Variants in RBMS3 observed in about 807,000 individuals in gnomAD.
RBMS3 encodes RNA-binding motif, single-stranded-interacting protein 3.
In RBMS3, 27 loss-of-function variants were observed where a neutral mutation model predicts 66.8. That is an observed-to-expected ratio of 0.40 (90% CI 0.30 to 0.56). The LOEUF (loss-of-function observed/expected upper bound fraction) is 0.56, where lower values mean the gene tolerates loss of function less well. RBMS3 is among the 20% of genes least tolerant of loss of function. The pLI is 0.40. For missense variants in RBMS3, 513 were observed against 549.5 expected (o/e 0.93, Z 0.66); for synonymous variants, 188 against 183.0 (o/e 1.03, Z -0.22).
At chr3:29,400,803 C>T (rs12491968) in intron 1 of RBMS3, among the ~76,000 whole-genome samples, 26,194 of 151,670 alleles carry the variant, frequency 0.17, 2,766 homozygotes, top group Non-Finnish European at 0.24. Context: ...ATGATTGGGG[C>T]GATGATGAGA....
intron 1 of RBMS3, among the ~76,000 whole-genome samples, chr3:29,421,271 T>C (rs942992496): frequency 3.9e-5 from 6 of 152,194 alleles, no homozygotes; most frequent in African/African-American, 1.4e-4. Context: ...TACTATCCCA[T>C]TCTTATGCTG....
At chr3:29,946,815 T>C (rs923064943) in intron 12 of RBMS3, among the ~76,000 whole-genome samples, 8 of 151,442 alleles carry the variant, frequency 5.3e-5, no homozygotes, top group Non-Finnish European at 1.2e-4. Context: ...GGGGTAGTAG[T>C]GGGGGTTCAT....
At position 29,797,805 on chromosome 3, in the gene RBMS3, G is replaced by A. The variant is rs186254373; in HGVS notation, c.637+34816G>A. 9.2e-5 allele frequency: 14 copies of A among 152,288 alleles called. No homozygotes were observed. In the East Asian group the frequency reaches 2.5e-3, roughly 27 times the overall value. 9.4% of individuals were successfully genotyped at this position (152,288 alleles called of 1,614,324 possible). A position where few individuals can be genotyped will look rare whatever the true frequency, so the allele number is the denominator to read the frequency against. Reference sequence around the variant, plus strand: ...GTGATATAGTAAATGCTAATACAATGTTTATGTAAATAGAGGGCATTTGGT... The same window carrying A: ...GTGATATAGTAAATGCTAATACAATATTTATGTAAATAGAGGGCATTTGGT... On this transcript the variant is annotated intron_variant, in intron 6 of 14. Coordinates refer to ENST00000383767, the MANE Select transcript of RBMS3 (RefSeq NM_001003793.3).
intron 3 of RBMS3, among the ~76,000 whole-genome samples, chr3:29,546,110 G>T (rs1370966637): frequency 7.8e-5 from 2 of 25,512 alleles, no homozygotes; most frequent in Non-Finnish European, 9.4e-5. Flanking sequence ...AGACGGGTTT[G>T]TGTGTGTGTG....
intron 3 of RBMS3, among the ~76,000 whole-genome samples, chr3:29,559,973 A>C (rs541495470): frequency 6.6e-6 from 1 of 152,314 alleles, no homozygotes; most frequent in Non-Finnish European, 1.5e-5. Flanking sequence ...ACATGGTCTT[A>C]TGTCAGCCAA....
At chr3:29,841,721 G>C (rs2058667830) in intron 6 of RBMS3, among the ~76,000 whole-genome samples, 1 of 151,974 alleles carries the variant, frequency 6.6e-6, no homozygotes, top group African/African-American at 2.4e-5. Context: ...GAGATCTTTT[G>C]AGACTATTCT....
At chr3:29,649,836 G>A (rs1397873397) in intron 4 of RBMS3, among the ~76,000 whole-genome samples, 6 of 152,120 alleles carry the variant, frequency 3.9e-5, no homozygotes, top group Non-Finnish European at 7.4e-5. Context: ...ATCCAATGTG[G>A]AGATACTCAG....
At chr3:29,768,910 C>T (rs898557397) in intron 6 of RBMS3, among the ~76,000 whole-genome samples, 5 of 151,814 alleles carry the variant, frequency 3.3e-5, no homozygotes, top group Non-Finnish European at 7.4e-5. Context: ...CTACCTTGTC[C>T]CTTGCTCTGA....
At chr3:29,640,011 T>C (rs1050333373) in intron 4 of RBMS3, among the ~76,000 whole-genome samples, 3 of 151,810 alleles carry the variant, frequency 2.0e-5, no homozygotes, top group Admixed American at 6.6e-5. Context: ...TCCCCTCCTA[T>C]GCCCTGACCA....
rs527710371 is a variant in RBMS3, at chr3:29,703,565, G to A, written c.400-36155G>A. 5.4e-4 allele frequency among the ~76,000 whole-genome samples: 82 copies of A among 152,292 alleles called. No homozygotes were observed. In the Middle Eastern group the frequency reaches 0.02, roughly 38 times the overall value. On this transcript the variant is annotated intron_variant, in intron 4 of 14. Transcript: ENST00000383767. Reference sequence around the variant, plus strand: ...AATGCCCAGAGTATTTGTACAAGTAGTAGGTCTAAAGTTCTACCCTGGTAG... The same window carrying A: ...AATGCCCAGAGTATTTGTACAAGTAATAGGTCTAAAGTTCTACCCTGGTAG...
chr3:29,457,197 G>A (rs2042219920), intron 2 of RBMS3, among the ~76,000 whole-genome samples: 3 of 152,202 alleles, frequency 2.0e-5, no homozygotes, highest in East Asian at 1.9e-4. Flanking sequence ...CAGTTGCCAC[G>A]TCCTAACATG....
At chr3:29,531,768 C>T (rs1323987961) in intron 3 of RBMS3, among the ~76,000 whole-genome samples, 3 of 152,110 alleles carry the variant, frequency 2.0e-5, no homozygotes, top group African/African-American at 7.2e-5. Context: ...AGCCTCTATC[C>T]CTCTCAGTAT....
intron 4 of RBMS3, among the ~76,000 whole-genome samples, chr3:29,649,274 T>C (rs1270659368): frequency 6.6e-6 from 1 of 152,168 alleles, no homozygotes; most frequent in Non-Finnish European, 1.5e-5. Flanking sequence ...TAAGAAAGTT[T>C]CCCTTAAGAA....
At chr3:29,780,238 G>A (rs2056582036) in intron 6 of RBMS3, among the ~76,000 whole-genome samples, 1 of 151,636 alleles carries the variant, frequency 6.6e-6, no homozygotes, top group Non-Finnish European at 1.5e-5. Context: ...GCTTTGAATT[G>A]ATTATAACTA....
intron 4 of RBMS3, among the ~76,000 whole-genome samples, chr3:29,656,951 C>T (rs1271606112): frequency 6.6e-6 from 1 of 152,190 alleles, no homozygotes. Flanking sequence ...CCTTTTCCAT[C>T]CTATGGCTCC....
chr3:29,877,951 C>T (rs2059647967), intron 7 of RBMS3, among the ~76,000 whole-genome samples: 2 of 152,010 alleles, frequency 1.3e-5, no homozygotes, highest in Admixed American at 1.3e-4. Flanking sequence ...CCATCTAGTA[C>T]CGTGGTCCTC....
intron 10 of RBMS3, chr3:29,926,907 G>A (rs149835025): frequency 1.3e-5 from 2 of 152,292 alleles, no homozygotes; most frequent in African/African-American, 4.8e-5. Context: ...ATCTCAGGCA[G>A]ATATATGGCT....
At chr3:29,657,712 G>C (rs1040837255) in intron 4 of RBMS3, among the ~76,000 whole-genome samples, 1 of 152,160 alleles carries the variant, frequency 6.6e-6, no homozygotes, top group Non-Finnish European at 1.5e-5. Context: ...ACTTTGATTA[G>C]TGTAGGCAGT....
At chr3:29,487,336 G>T (rs1024799841) in intron 2 of RBMS3, among the ~76,000 whole-genome samples, 6 of 152,094 alleles carry the variant, frequency 3.9e-5, no homozygotes, top group African/African-American at 1.2e-4. Context: ...AAACAAAAAA[G>T]CTTCGAACAG....
Sources: allele counts gnomAD v4.1 joint callset (sites outside exome capture counted in the v4.1 genomes callset), GRCh38; gene constraint gnomAD v4.1.1; transcripts MANE v1.5; gene names NCBI Gene and HGNC (gene_info 2026-07-23, HGNC 2026-07-21).